Variants in GRHL3 observed in about 807,000 individuals in gnomAD.
GRHL3 encodes grainyhead like transcription factor 3.
GRHL3 carries 20 observed loss-of-function variants against 70.3 expected under a neutral mutation model. The observed-to-expected ratio is 0.28, with a 90% CI of 0.20 to 0.41. GRHL3 has a LOEUF of 0.41. Ranked by LOEUF, GRHL3 falls within the 10% of genes least tolerant of loss-of-function variation. GRHL3 has a pLI of 1.00. For missense variants in GRHL3, 637 were observed against 762.3 expected (o/e 0.84, Z 1.94); for synonymous variants, 299 against 299.9 (o/e 1.00, Z 0.03).
chr1:24,323,079 C>G, intron 1 of GRHL3: 1 of 1,548,806 alleles, frequency 6.5e-7, no homozygotes. Flanking sequence ...TATTTCTGAG[C>G]AGAAGAATGT....
At chr1:24,327,345 ATCTG>A (rs1428912438) in intron 1 of GRHL3, among the ~76,000 whole-genome samples, 1 of 152,232 alleles carries the variant, frequency 6.6e-6, no homozygotes, top group Non-Finnish European at 1.5e-5. Context: ...GCAGAGTCTT[ATCTG>A]TCTCATTTTA....
At chr1:24,328,804 G>A (rs766876842) in intron 1 of GRHL3, among the ~76,000 whole-genome samples, 1 of 152,208 alleles carries the variant, frequency 6.6e-6, no homozygotes, top group African/African-American at 2.4e-5. Context: ...TTGTGCTGAT[G>A]CGTTATCCTC....
intron 1 of GRHL3, among the ~76,000 whole-genome samples, chr1:24,331,121 AC>A (rs1639588807): frequency 1.3e-5 from 2 of 152,260 alleles, no homozygotes; most frequent in African/African-American, 4.8e-5. Context: ...TTGAATAAGT[AC>A]GCACTATGAA....
At chr1:24,331,314 T>G in intron 1 of GRHL3, 112 bp from the exon 2 acceptor site, 1 of 967,710 alleles carries the variant, frequency 1.0e-6, no homozygotes, top group Non-Finnish European at 1.5e-6. Flanking sequence ...AAGAGGCAGT[T>G]TCATGTTTTC....
At chr1:24,364,346 T>C in exon 16 of GRHL3, 1 of 1,546,364 alleles carries the variant, frequency 6.5e-7, no homozygotes, top group South Asian at 1.2e-5. Flanking sequence ...GTCAACAGCC[T>C]GCACTTCACT....
intron 15 of GRHL3, among the ~76,000 whole-genome samples, chr1:24,360,547 A>G (rs1056490052): frequency 3.2e-4 from 49 of 152,250 alleles, no homozygotes; most frequent in African/African-American, 1.2e-3. Flanking sequence ...TAATGTCTAT[A>G]TGTGCCAATT....
At chr1:24,333,108 T>C (rs1227051016) in intron 2 of GRHL3, among the ~76,000 whole-genome samples, 2 of 152,216 alleles carry the variant, frequency 1.3e-5, no homozygotes, top group African/African-American at 4.8e-5. Context: ...AGGGCCAGTA[T>C]GGTAGAAGAG....
At position 24,319,463 on chromosome 1, in the gene GRHL3, C is replaced by T. The variant is rs111636681; in HGVS notation, c.-89C>T. The T allele has an allele frequency of 7.7e-4, 1,031 of 1,331,326 alleles. 5 individuals are homozygous for T. The African/African-American group carries it at 0.013, about 17-fold the overall frequency. 82.5% of individuals were successfully genotyped at this position (1,331,326 alleles called of 1,614,324 possible). A position where few individuals can be genotyped will look rare whatever the true frequency, so the allele number is the denominator to read the frequency against. Reference sequence around the variant, plus strand: ...CCTCAACATAAATCAAACACTTTCCCGGGCAGAGAATGTCTGTGTCAGGCA... The same window carrying T: ...CCTCAACATAAATCAAACACTTTCCTGGGCAGAGAATGTCTGTGTCAGGCA... On this transcript the variant is annotated 5_prime_UTR_variant, in exon 1 of 16. Coordinates refer to ENST00000361548, the MANE Select transcript of GRHL3 (RefSeq NM_198173.3).
At chr1:24,323,176 C>A in intron 1 of GRHL3, 2 of 1,048,164 alleles carry the variant, frequency 1.9e-6, no homozygotes, top group South Asian at 1.4e-5. Flanking sequence ...CCTTTGGAGT[C>A]GTTAAGGGGA....
downstream of GRHL3, chr1:24,357,384 G>C (rs1640792930): frequency 6.6e-6 from 1 of 152,406 alleles, no homozygotes; most frequent in African/African-American, 2.4e-5. Flanking sequence ...CAGTTAGGAA[G>C]CTGGAAGGTG....
chr1:24,337,875 G>A, intron 6 of GRHL3, 86 bp downstream of exon 6: 2 of 1,587,642 alleles, frequency 1.3e-6, no homozygotes, highest in East Asian at 2.2e-5. Context: ...CCTGGGGAAA[G>A]GCTGTTTGAT....
downstream of GRHL3, chr1:24,358,629 GAC>G (rs1444689491): frequency 6.2e-7 from 1 of 1,607,178 alleles, no homozygotes; most frequent in African/African-American, 1.3e-5. Context: ...GCTGTGAGGG[GAC>G]AGAGAGGCGG....
At chr1:24,329,462 C>T (rs538495711) in intron 1 of GRHL3, among the ~76,000 whole-genome samples, 1 of 152,332 alleles carries the variant, frequency 6.6e-6, no homozygotes. Context: ...GACTGCACCC[C>T]TGCATCAACG....
chr1:24,334,684 G>A lies in GRHL3; in HGVS notation c.244G>A (p.Gly82Ser). 5.0e-6 allele frequency: 8 copies of A among 1,611,090 alleles called. No individual in the cohort carries two copies. The highest frequency in any genetic ancestry group is 6.8e-6 in the Non-Finnish European group (8 of 1,179,060). Residue 82 changes from glycine (G) to serine (S), a missense_variant, in exon 3 of 16, where the codon GGC becomes AGC. Physicochemically the swap from Gly to Ser is moderately conservative, Grantham distance 56. This residue lies in a region of GRHL3 where 250 missense variants were observed against 248.6 expected (regional missense o/e 1.01). Coordinates refer to ENST00000361548, the MANE Select transcript of GRHL3 (RefSeq NM_198173.3). This position sits in a 1 kb window ranked among gnomAD's most constrained non-coding sequence, Gnocchi z 4.3. ...EKRILSSSTG[G>S]RNDQGKRYYH... ...GCGGATATTGTCCTCCAGCACTGGG[G>A]GCAGGAATGACCAAGGAAAGAGGTG...
In GRHL3 at chr1:24,321,974, G is replaced by C. The variant is rs867807796; in HGVS notation, c.17+2406G>C. 6.6e-6 allele frequency: 1 copy of C among 152,100 alleles called. No homozygotes were observed. The highest frequency in any genetic ancestry group is 2.1e-4 in the South Asian group (1 of 4,838). 9.4% of individuals were successfully genotyped at this position (152,100 alleles called of 1,614,324 possible). A position where few individuals can be genotyped will look rare whatever the true frequency, so the allele number is the denominator to read the frequency against. ...AGTCGCCGCCGACCGCCTGGGTCTCGCAGGAAAACAGCCGGCGCCCGCGAG... is the reference window on the plus strand; with the variant it reads ...AGTCGCCGCCGACCGCCTGGGTCTCCCAGGAAAACAGCCGGCGCCCGCGAG... On this transcript the variant is annotated intron_variant, in intron 1 of 15. Transcript: ENST00000361548. This position sits in a 1 kb window ranked among gnomAD's most constrained non-coding sequence, Gnocchi z 4.0.
chr1:24,364,151 G>T, intron 15 of GRHL3: 1 of 1,474,070 alleles, frequency 6.8e-7, no homozygotes, highest in South Asian at 1.4e-5. Flanking sequence ...CTGCAAACTC[G>T]AATTCAATTC....
At position 24,319,439 on chromosome 1, in the gene GRHL3, C is replaced by T. The variant is rs1639094244; in HGVS notation, c.-113C>T. ...GTCAGCAAAATCTCGACACCCAAAC[C>T]TCAACATAAATCAAACACTTTCCCG... On this transcript the variant is annotated 5_prime_UTR_variant, in exon 1 of 16. Transcript: ENST00000361548. The T allele has an allele frequency of 1.7e-6, 2 of 1,200,812 alleles. No individual in the cohort carries two copies. The highest frequency in any genetic ancestry group is 1.5e-5 in the African/African-American group (1 of 67,158). The allele number at this position is 1,200,812 out of a possible 1,614,324, so 74.4% of individuals were successfully genotyped here.
In GRHL3 at chr1:24,335,853, A is replaced by G. The variant is rs1267484463; in HGVS notation, c.267-629A>G. On this transcript the variant is annotated intron_variant, in intron 3 of 15. Transcript: ENST00000361548. ...CGCCTCGGCCTCCCTAAGAGCTGGGATTACAGGCGTGAGCCACCGCGCCCT... is the reference window on the plus strand; with the variant it reads ...CGCCTCGGCCTCCCTAAGAGCTGGGGTTACAGGCGTGAGCCACCGCGCCCT... 4.6e-5 allele frequency among the ~76,000 whole-genome samples: 7 copies of G among 152,214 alleles called. No individual in the cohort carries two copies. The East Asian group carries it at 1.3e-3, about 29-fold the overall frequency.
At chr1:24,335,617 C>G (rs989703225) in intron 3 of GRHL3, among the ~76,000 whole-genome samples, 2 of 148,144 alleles carry the variant, frequency 1.4e-5, no homozygotes, top group Non-Finnish European at 3.0e-5. Context: ...GAGTCTCGCT[C>G]TGTTGCCCAG....
Sources: allele counts gnomAD v4.1 joint callset (sites outside exome capture counted in the v4.1 genomes callset), GRCh38; gene constraint gnomAD v4.1.1; regional missense constraint gnomAD v4.1.1; non-coding constraint Gnocchi (gnomAD v3.1); transcripts MANE v1.5; gene names NCBI Gene and HGNC (gene_info 2026-07-23, HGNC 2026-07-21).